The following PCSK5 variants were observed in gnomAD, a reference collection of about 807,000 sequenced individuals.
PCSK5 encodes the protein proprotein convertase subtilisin/kexin type 5.
In PCSK5, 129 loss-of-function variants were observed where a neutral mutation model predicts 233.2. The observed-to-expected ratio is 0.55, with a 90% CI of 0.48 to 0.64. The LOEUF is 0.64. PCSK5 is among the 30% of genes least tolerant of loss of function. The pLI, the probability that PCSK5 is intolerant of heterozygous loss-of-function variation, is 0.00. For missense variants in PCSK5, 2,076 were observed against 2,430.1 expected, an observed-to-expected ratio of 0.85 and a Z score of 3.06; for synonymous variants, 825 against 879.2, an observed-to-expected ratio of 0.94 and a Z score of 1.09.
In PCSK5 at chr9:76,355,398, G is replaced by A. The variant is rs7867743; in HGVS notation, c.5254+1179G>A. Among the ~76,000 whole-genome samples the A allele has an allele frequency of 3.4e-3, 510 of 152,154 alleles. 2 individuals are homozygous for A. Among genetic ancestry groups the A allele is most frequent in the African/African-American group, 0.011 (474 of 41,544 alleles). On this transcript the variant is annotated intron_variant, in intron 37 of 37. Coordinates refer to ENST00000674117, the MANE Select transcript of PCSK5 (RefSeq NM_001372043.1). ...TGAGGCAAGAGAATGGCGTGAACCCGGGAGGCAGAGCTCGCAGTGAGCCAA... is the reference window on the plus strand; with the variant it reads ...TGAGGCAAGAGAATGGCGTGAACCCAGGAGGCAGAGCTCGCAGTGAGCCAA...
intron 1 of PCSK5, among the ~76,000 whole-genome samples, chr9:75,898,894 T>C (rs1435737988): frequency 6.6e-6 from 1 of 152,200 alleles, no homozygotes; most frequent in African/African-American, 2.4e-5. Flanking sequence ...CCTATAATTA[T>C]CATTTAGTAA....
At chr9:75,977,800 T>C (rs1402617995) in intron 2 of PCSK5, among the ~76,000 whole-genome samples, 1 of 151,542 alleles carries the variant, frequency 6.6e-6, no homozygotes, top group African/African-American at 2.4e-5. Flanking sequence ...TTAGTAGAGA[T>C]GGGGTTTTGC....
At chr9:76,229,570 T>C (rs1267759478) in intron 21 of PCSK5, among the ~76,000 whole-genome samples, 1 of 152,224 alleles carries the variant, frequency 6.6e-6, no homozygotes. Context: ...AAACATTGTA[T>C]TTGATCTATT....
chr9:75,896,299 T>C (rs1825801943), intron 1 of PCSK5, among the ~76,000 whole-genome samples: 1 of 151,996 alleles, frequency 6.6e-6, no homozygotes, highest in Non-Finnish European at 1.5e-5. Flanking sequence ...GATTTCGGGG[T>C]CTATTTGAAG....
chr9:76,244,978 C>CT (rs1826543259), intron 24 of PCSK5, among the ~76,000 whole-genome samples: 1 of 152,132 alleles, frequency 6.6e-6, no homozygotes, highest in Admixed American at 6.5e-5. Context: ...TAAGATAAAT[C>CT]TAAGTTTTAA....
intron 24 of PCSK5, among the ~76,000 whole-genome samples, chr9:76,263,718 T>C (rs1827252619): frequency 6.6e-6 from 1 of 151,838 alleles, no homozygotes; most frequent in Non-Finnish European, 1.5e-5. Context: ...GCATGGCACA[T>C]GTATACATAT....
chr9:76,002,088 C>T (rs762771388), intron 3 of PCSK5, among the ~76,000 whole-genome samples: 3 of 152,156 alleles, frequency 2.0e-5, no homozygotes, highest in Non-Finnish European at 4.4e-5. Context: ...TTTATTCATT[C>T]AACAACATTT....
chr9:75,937,534 G>A (rs963571807), intron 2 of PCSK5, among the ~76,000 whole-genome samples: 67 of 152,262 alleles, frequency 4.4e-4, no homozygotes, highest in African/African-American at 1.4e-3. Flanking sequence ...GTAAATGAGC[G>A]TTGGCTTCAA....
intron 18 of PCSK5, 91 bp from the exon 19 acceptor site, chr9:76,189,003 G>A (rs371071679): frequency 4.3e-5 from 47 of 1,089,262 alleles, no homozygotes; most frequent in African/African-American, 6.4e-5. Context: ...ATTCTTTGAC[G>A]CCATTTTCTC....
intron 11 of PCSK5, among the ~76,000 whole-genome samples, chr9:76,158,278 A>G (rs181647958): frequency 1.4e-4 from 21 of 152,302 alleles, no homozygotes; most frequent in African/African-American, 4.6e-4. Flanking sequence ...AGGGAGGGGA[A>G]ATTTAAGCTT....
intron 27 of PCSK5, among the ~76,000 whole-genome samples, chr9:76,301,221 G>C (rs563078634): frequency 6.8e-6 from 1 of 147,818 alleles, no homozygotes; most frequent in African/African-American, 2.5e-5. Context: ...GCAGTGAGCC[G>C]AGATCACACC....
rs766739365 is a variant in PCSK5, at chr9:76,308,198, A to AAAAAG, written c.3605-426_3605-422dup. ...GGCTACAGAGTGAGACTCTGTCTCA[A>AAAAAG]AAAAGAAAAGAAAAGAAAAGAAAAG... On this transcript the variant is annotated intron_variant, in intron 28 of 37. Coordinates refer to ENST00000674117, the MANE Select transcript of PCSK5 (RefSeq NM_001372043.1). Among the ~76,000 whole-genome samples the AAAAAG allele has an allele frequency of 6.6e-5, 10 of 152,310 alleles. No individual in the cohort carries two copies. The South Asian group carries it at 1.0e-3, about 16-fold the overall frequency.
At position 75,986,113 on chromosome 9, in the gene PCSK5, C is replaced by T. The variant is rs1826502980; in HGVS notation, c.298-19C>T. The T allele has an allele frequency of 7.0e-7, 1 of 1,435,606 alleles. No individual in the cohort carries two copies. The highest frequency in any genetic ancestry group is 9.8e-7 in the Non-Finnish European group (1 of 1,017,284). 88.9% of individuals were successfully genotyped at this position (1,435,606 alleles called of 1,614,324 possible). On this transcript the variant is annotated intron_variant, in intron 2 of 37. Coordinates refer to ENST00000674117, the MANE Select transcript of PCSK5 (RefSeq NM_001372043.1). ...ACCCTGATGGAACGTGAATACTCAC[C>T]AAATGTCCTTCTTGACAGGTGGAAT...
chr9:76,278,605 T>A (rs1053963899), intron 24 of PCSK5, among the ~76,000 whole-genome samples: 4 of 152,132 alleles, frequency 2.6e-5, no homozygotes, highest in Admixed American at 1.3e-4. Flanking sequence ...GAAACATATA[T>A]ATGTATATGT....
At chr9:75,965,857 A>G (rs1401447353) in intron 2 of PCSK5, among the ~76,000 whole-genome samples, 1 of 152,134 alleles carries the variant, frequency 6.6e-6, no homozygotes, top group African/African-American at 2.4e-5. Flanking sequence ...ATAAGAGGGG[A>G]TTCTTGGGAA....
At chr9:76,277,354 T>C (rs1234086045) in intron 24 of PCSK5, among the ~76,000 whole-genome samples, 1 of 152,216 alleles carries the variant, frequency 6.6e-6, no homozygotes, top group Non-Finnish European at 1.5e-5. Context: ...TAGGAATTGC[T>C]GCATATTTTC....
intron 2 of PCSK5, among the ~76,000 whole-genome samples, chr9:75,964,134 G>A (rs1825474948): frequency 6.6e-6 from 1 of 152,158 alleles, no homozygotes; most frequent in Non-Finnish European, 1.5e-5. Context: ...GAGCACATTT[G>A]ATGACACTTT....
chr9:75,912,260 C>T (rs1311558053), intron 1 of PCSK5, among the ~76,000 whole-genome samples: 2 of 152,072 alleles, frequency 1.3e-5, no homozygotes, highest in South Asian at 2.1e-4. Flanking sequence ...GGAGGAAGCA[C>T]GTTCTGGTTG....
At chr9:75,948,555 T>G (rs2131317741) in intron 2 of PCSK5, among the ~76,000 whole-genome samples, 1 of 152,244 alleles carries the variant, frequency 6.6e-6, no homozygotes, top group African/African-American at 2.4e-5. Context: ...TAATCCAGTC[T>G]ATCATCGATG....
Sources: allele counts gnomAD v4.1 joint callset (sites outside exome capture counted in the v4.1 genomes callset), GRCh38; gene constraint gnomAD v4.1.1; transcripts MANE v1.5; gene names NCBI Gene and HGNC (gene_info 2026-07-23, HGNC 2026-07-21).